OLFML2A: variants seen among roughly 807,000 people sequenced by gnomAD.
OLFML2A encodes olfactomedin-like protein 2A.
In OLFML2A, 47 loss-of-function variants were observed where a neutral mutation model predicts 60.9. The observed-to-expected ratio is 0.77, with a 90% CI of 0.61 to 0.98. The LOEUF is 0.98. Ranked by LOEUF, OLFML2A falls within the 50% of genes least tolerant of loss-of-function variation. OLFML2A has a pLI of 0.00. For synonymous variants in OLFML2A, 372 were observed against 375.0 expected (o/e 0.99, Z 0.09); for missense variants, 922 against 879.8 (o/e 1.05, Z -0.61).
intron 2 of OLFML2A, among the ~76,000 whole-genome samples, chr9:124,792,519 G>T (rs1299949272): frequency 1.3e-5 from 2 of 152,212 alleles, no homozygotes; most frequent in African/African-American, 2.4e-5. Context: ...TCTCCTCAGT[G>T]CCTGGCTGAG....
In OLFML2A at chr9:124,812,690, T is replaced by C. The variant is rs1221316621; in HGVS notation, c.*2278T>C. ...CCCCGGCATCTCCCTTGGCCCTGGG[T>C]GTGGGTTTTACAAGACTGTGTCTTT... On this transcript the variant is annotated 3_prime_UTR_variant, in exon 8 of 8. Transcript: ENST00000373580. The C allele has an allele frequency of 6.6e-6, 1 of 152,010 alleles. No individual in the cohort carries two copies. Among genetic ancestry groups the C allele is most frequent in the African/African-American group, 2.4e-5 (1 of 41,374 alleles). The allele number at this position is 152,010 out of a possible 1,614,324, so 9.4% of individuals were successfully genotyped here.
At chr9:124,778,406 G>C (rs1841299198) in intron 1 of OLFML2A, among the ~76,000 whole-genome samples, 1 of 151,362 alleles carries the variant, frequency 6.6e-6, no homozygotes, top group African/African-American at 2.4e-5. Flanking sequence ...AGAGCACTTG[G>C]GGTGTTCTGG....
intron 3 of OLFML2A, among the ~76,000 whole-genome samples, chr9:124,799,011 G>T (rs757258759): frequency 6.6e-6 from 1 of 151,984 alleles, no homozygotes. Context: ...AAGGTGGGAG[G>T]GTGACTTTTT....
rs112921281 is a variant in OLFML2A at position 124,808,431 on chromosome 9, C to A, written c.1354+465C>A. Among the ~76,000 whole-genome samples the A allele has an allele frequency of 2.3e-3, 350 of 152,186 alleles. 2 individuals carry two copies. The highest frequency in any genetic ancestry group is 8.1e-3 in the African/African-American group (335 of 41,536). Reference sequence around the variant, plus strand: ...TGGGCAGGGGCCAGGATGGAGCTGACGGCACAGGGAAGGGCAGAATTCTGC... The same window carrying A: ...TGGGCAGGGGCCAGGATGGAGCTGAAGGCACAGGGAAGGGCAGAATTCTGC... On this transcript the variant is annotated intron_variant, in intron 7 of 7. Coordinates refer to ENST00000373580, the MANE Select transcript of OLFML2A (RefSeq NM_182487.4).
chr9:124,780,955 G>A (rs1381148592), intron 1 of OLFML2A, among the ~76,000 whole-genome samples: 3 of 152,186 alleles, frequency 2.0e-5, no homozygotes, highest in Non-Finnish European at 2.9e-5. Context: ...CTGGGGAGCC[G>A]GAAAGCGTCT....
Position 124,777,458 on chromosome 9 carries a change from G to C in OLFML2A, c.90+98G>C. 2 of 1,159,514 alleles carry C rather than the reference G, an allele frequency of 1.7e-6. No homozygotes were observed. Among genetic ancestry groups the C allele is most frequent in the Non-Finnish European group, 1.1e-6 (1 of 928,446 alleles). The allele number at this position is 1,159,514 out of a possible 1,614,324, so 71.8% of individuals were successfully genotyped here. On this transcript the variant is annotated intron_variant, in intron 1 of 7. Transcript: ENST00000373580. The surrounding 1 kb of genome is among the most constrained non-coding windows in gnomAD (Gnocchi z 6.2). ...GCCCGGGAGGGAGCCCGGGGCCAGG[G>C]CGGAGGAGCCGGGAGCTGAGAGACC...
In OLFML2A at chr9:124,777,388, C is replaced by G; in HGVS notation, c.90+28C>G. 6.5e-6 allele frequency: 8 copies of G among 1,233,194 alleles called. No homozygotes were observed. The highest frequency in any genetic ancestry group is 8.1e-6 in the Non-Finnish European group (8 of 986,966). The allele number at this position is 1,233,194 out of a possible 1,614,324, so 76.4% of individuals were successfully genotyped here. On this transcript the variant is annotated intron_variant, in intron 1 of 7. Coordinates refer to ENST00000373580, the MANE Select transcript of OLFML2A (RefSeq NM_182487.4). The surrounding 1 kb of genome is among the most constrained non-coding windows in gnomAD (Gnocchi z 6.2). Reference sequence around the variant, plus strand: ...ACGCACGCCCCTCGGACCCGCGCGGCTCGGCGGGTAGCGGGGCGCGAGGGG... The same window carrying G: ...ACGCACGCCCCTCGGACCCGCGCGGGTCGGCGGGTAGCGGGGCGCGAGGGG...
Position 124,804,088 on chromosome 9 carries a change from C to T in OLFML2A, c.920-6C>T. 1.2e-6 allele frequency: 2 copies of T among 1,613,776 alleles called. No homozygotes were observed. Among genetic ancestry groups the T allele is most frequent in the Non-Finnish European group, 1.7e-6 (2 of 1,179,840 alleles). ...AGATTTGAGCACAGGGGTCTTCTCT[C>T]TGCAGACAACACCCTCCAGGGCACT... On this transcript the variant is annotated splice_polypyrimidine_tract_variant and splice_region_variant and intron_variant, in intron 5 of 7. Coordinates refer to ENST00000373580, the MANE Select transcript of OLFML2A (RefSeq NM_182487.4).
At chr9:124,791,910 A>G (rs1358245885) in intron 2 of OLFML2A, among the ~76,000 whole-genome samples, 1 of 152,164 alleles carries the variant, frequency 6.6e-6, no homozygotes, top group Admixed American at 6.5e-5. Context: ...ACAGGCTGCT[A>G]TTAAGCATTT....
intron 2 of OLFML2A, among the ~76,000 whole-genome samples, chr9:124,789,985 C>A (rs1001336217): frequency 6.6e-6 from 1 of 152,192 alleles, no homozygotes; most frequent in Non-Finnish European, 1.5e-5. Context: ...GAATATTGTA[C>A]ACATGTTTGA....
chr9:124,805,249 A>G (rs1841868234), intron 6 of OLFML2A, among the ~76,000 whole-genome samples: 1 of 152,078 alleles, frequency 6.6e-6, no homozygotes, highest in Non-Finnish European at 1.5e-5. Flanking sequence ...CTTTGGTCCA[A>G]GGTCATTCCA....
At position 124,810,168 on chromosome 9, in the gene OLFML2A, G is replaced by A. The variant is rs372603527; in HGVS notation, c.1715G>A (p.Arg572Gln). The A allele has an allele frequency of 9.3e-6, 15 of 1,613,928 alleles. No homozygotes were observed. Among genetic ancestry groups the A allele is most frequent in the South Asian group, 3.3e-5 (3 of 91,082 alleles). Residue 572 changes from arginine to glutamine, a missense_variant, in exon 8 of 8, where the codon CGG becomes CAG. Coordinates refer to ENST00000373580, the MANE Select transcript of OLFML2A (RefSeq NM_182487.4). ...ACCACGTGGAAGACACGGCTGCGGCGGAACTCCTACGGGAACTGCTTCCTG... is the reference window on the plus strand; with the variant it reads ...ACCACGTGGAAGACACGGCTGCGGCAGAACTCCTACGGGAACTGCTTCCTG... ...RETTWKTRLRRNSYGNCFLVC... is the reference protein window; with the variant it reads ...RETTWKTRLRQNSYGNCFLVC...
At chr9:124,786,779 C>T (rs931685365) in intron 1 of OLFML2A, among the ~76,000 whole-genome samples, 196 bp from the exon 2 acceptor site, 7 of 151,422 alleles carry the variant, frequency 4.6e-5, no homozygotes, top group Non-Finnish European at 7.4e-5. Flanking sequence ...CACACACACA[C>T]ACACACACAC....
intron 4 of OLFML2A, 83 bp from the exon 5 acceptor site, chr9:124,801,331 A>G (rs1054168925): frequency 5.8e-5 from 83 of 1,434,470 alleles, no homozygotes; most frequent in Non-Finnish European, 7.3e-5. Flanking sequence ...GGCCACCTCC[A>G]GTCCCCACAT....
intron 6 of OLFML2A, among the ~76,000 whole-genome samples, chr9:124,805,810 T>G (rs1274664297): frequency 2.0e-4 from 5 of 25,420 alleles, no homozygotes; most frequent in East Asian, 2.2e-3. Context: ...TTTTTTTGGT[T>G]TTTTTTTTTT....
In OLFML2A at chr9:124,812,056, A is replaced by T. The variant is rs1260985782; in HGVS notation, c.*1644A>T. The stretch of plus-strand genomic sequence containing the variant: ...CTGCCCCCTGGCCCTTGCTGCCTTC[A>T]TTCTGTCCCAATGCCAGCTCCCTGG... On this transcript the variant is annotated 3_prime_UTR_variant, in exon 8 of 8. Coordinates refer to ENST00000373580, the MANE Select transcript of OLFML2A (RefSeq NM_182487.4). 1 of 152,170 alleles carries T rather than the reference A, an allele frequency of 6.6e-6. No homozygotes were observed. Among genetic ancestry groups the T allele is most frequent in the Non-Finnish European group, 1.5e-5 (1 of 68,248 alleles). The allele number at this position is 152,170 out of a possible 1,614,324, so 9.4% of individuals were successfully genotyped here. A position where few individuals can be genotyped will look rare whatever the true frequency, so the allele number is the denominator to read the frequency against.
chr9:124,801,670 AG>A lies in OLFML2A; in HGVS notation c.919+9del, dbSNP rs1841781789. 1 of 1,611,566 alleles carries A rather than the reference AG, an allele frequency of 6.2e-7. No homozygotes were observed. The highest frequency in any genetic ancestry group is 8.5e-7 in the Non-Finnish European group (1 of 1,178,560). On this transcript the variant is annotated splice_region_variant and intron_variant, in intron 5 of 7. Coordinates refer to ENST00000373580, the MANE Select transcript of OLFML2A (RefSeq NM_182487.4). Reference sequence around the variant, plus strand: ...GTGACCGAGGCGGTGGCAGGTGAGTAGGAGGGGAATGGGGACCCTGGGGAGT... The same window carrying A: ...GTGACCGAGGCGGTGGCAGGTGAGTAGAGGGGAATGGGGACCCTGGGGAGT...
At chr9:124,783,733 A>G (rs952865950) in intron 1 of OLFML2A, among the ~76,000 whole-genome samples, 1 of 152,198 alleles carries the variant, frequency 6.6e-6, no homozygotes, top group African/African-American at 2.4e-5. Context: ...CAGAGCTCCT[A>G]CTGCAGGCCA....
intron 4 of OLFML2A, chr9:124,800,788 A>C: frequency 7.7e-7 from 1 of 1,292,154 alleles, no homozygotes; most frequent in Non-Finnish European, 9.9e-7. Context: ...GAGTGATGTC[A>C]CAGGCCCTGT....
Sources: allele counts gnomAD v4.1 joint callset (sites outside exome capture counted in the v4.1 genomes callset), GRCh38; gene constraint gnomAD v4.1.1; non-coding constraint Gnocchi (gnomAD v3.1); transcripts MANE v1.5; gene names NCBI Gene and HGNC (gene_info 2026-07-23, HGNC 2026-07-21).